PDRG1: variants seen among roughly 807,000 people sequenced by gnomAD.
PDRG1 encodes p53 and DNA damage-regulated protein 1.
A neutral mutation model predicts 18.4 loss-of-function variants in PDRG1; 14 were observed. The ratio of observed to expected loss-of-function variants is 0.76; its 90% CI spans 0.50 to 1.19. The LOEUF is 1.19. PDRG1 is among the 50% of genes most tolerant of loss of function. The pLI, the probability that PDRG1 is intolerant of heterozygous loss-of-function variation, is 0.00. For missense variants in PDRG1, 177 were observed against 160.1 expected (o/e 1.11, Z -0.57); for synonymous variants, 65 against 60.9 (o/e 1.07, Z -0.31).
chr20:31,948,766 G>A (rs2064334121), intron 3 of PDRG1, 42 bp downstream of exon 3: 1 of 1,555,118 alleles, frequency 6.4e-7, no homozygotes, highest in Non-Finnish European at 8.8e-7. Context: ...AAAGCTGGTG[G>A]GAGAGGCAGC....
chr20:31,951,915 A>T lies in PDRG1; in HGVS notation c.47T>A (p.Val16Glu). Reference sequence around the variant, plus strand: ...CAGCACCTCCTCGGCGAGCTCCTCCACTTCTACAAGGTACCGCAGCACTCG... The same window carrying T: ...CAGCACCTCCTCGGCGAGCTCCTCCTCTTCTACAAGGTACCGCAGCACTCG... ...AERVLRYLVEVEELAEEVLAD... is the reference protein window; with the variant it reads ...AERVLRYLVEEEELAEEVLAD... Residue 16 changes from valine to glutamate, a missense_variant, in exon 1 of 5, where the codon GTG becomes GAG. Physicochemically the swap from Val to Glu is moderately radical, Grantham distance 121 (BLOSUM62 -2). Coordinates refer to ENST00000202017, the MANE Select transcript of PDRG1 (RefSeq NM_030815.3). The T allele has an allele frequency of 6.3e-7, 1 of 1,594,716 alleles. No homozygotes were observed. Among genetic ancestry groups the T allele is most frequent in the Non-Finnish European group, 8.5e-7 (1 of 1,171,354 alleles).
rs775418077 is a variant in PDRG1 at position 31,952,001 on chromosome 20, G to A, written c.-40C>T. ...CCGCTTGCGGCTCTCGCGCGACCCC[G>A]GGATCTCCGCTTCGACTCCCGCTGC... On this transcript the variant is annotated 5_prime_UTR_variant, in exon 1 of 5. Coordinates refer to ENST00000202017, the MANE Select transcript of PDRG1 (RefSeq NM_030815.3). 28 of 1,500,974 alleles carry A rather than the reference G, an allele frequency of 1.9e-5. No individual in the cohort carries two copies. In the East Asian group the frequency reaches 1.9e-4, roughly 10 times the overall value. 93.0% of individuals were successfully genotyped at this position (1,500,974 alleles called of 1,614,324 possible).
Position 31,945,775 on chromosome 20 carries a change from G to A in PDRG1, c.*32C>T, listed in dbSNP as rs775185931. The stretch of plus-strand genomic sequence containing the variant: ...TCCTGGGTCCTCCATGACCCTGGGG[G>A]GTTGCTGGTCCCCCATCTTGGTTCT... On this transcript the variant is annotated 3_prime_UTR_variant, in exon 5 of 5. Transcript: ENST00000202017. 1.1e-5 allele frequency: 18 copies of A among 1,574,968 alleles called. No individual in the cohort carries two copies. The highest frequency in any genetic ancestry group is 3.3e-5 in the Admixed American group (2 of 59,738).
intron 1 of PDRG1, 132 bp downstream of exon 1, chr20:31,951,743 G>A: frequency 1.1e-6 from 1 of 923,716 alleles, no homozygotes; most frequent in Non-Finnish European, 1.6e-6. Flanking sequence ...CTTAGTAGCG[G>A]CCGAATATTT....
At chr20:31,951,449 T>C (rs1045485143) in intron 1 of PDRG1, among the ~76,000 whole-genome samples, 2 of 152,018 alleles carry the variant, frequency 1.3e-5, no homozygotes, top group Non-Finnish European at 2.9e-5. Context: ...CCTCAAAAAC[T>C]TGGCACTTAA....
intron 2 of PDRG1, among the ~76,000 whole-genome samples, chr20:31,949,379 C>T (rs913643166): frequency 5.3e-5 from 8 of 152,154 alleles, no homozygotes; most frequent in African/African-American, 1.9e-4. Context: ...CGAGACCGGC[C>T]TGGCCAACAT....
At position 31,952,010 on chromosome 20, in the gene PDRG1, G is replaced by T; in HGVS notation, c.-49C>A. 1 of 1,493,536 alleles carries T rather than the reference G, an allele frequency of 6.7e-7. No individual in the cohort carries two copies. Among genetic ancestry groups the T allele is most frequent in the Non-Finnish European group, 8.9e-7 (1 of 1,124,826 alleles). 92.5% of individuals were successfully genotyped at this position (1,493,536 alleles called of 1,614,324 possible). A position where few individuals can be genotyped will look rare whatever the true frequency, so the allele number is the denominator to read the frequency against. The stretch of plus-strand genomic sequence containing the variant: ...GCTCTCGCGCGACCCCGGGATCTCC[G>T]CTTCGACTCCCGCTGCGCACGCGCC... On this transcript the variant is annotated 5_prime_UTR_variant, in exon 1 of 5. Transcript: ENST00000202017.
At position 31,945,104 on chromosome 20, in the gene PDRG1, A is replaced by T. The variant is rs1036869031; in HGVS notation, c.*703T>A. On this transcript the variant is annotated 3_prime_UTR_variant, in exon 5 of 5. Coordinates refer to ENST00000202017, the MANE Select transcript of PDRG1 (RefSeq NM_030815.3). ...CGGGCCCCACTTTCAGAGGGGGCGG[A>T]AGGGCATCTTGACACGTGTCATATG... is the stretch of plus-strand genomic sequence containing the variant. 1 of 152,256 alleles carries T rather than the reference A, an allele frequency of 6.6e-6. No homozygotes were observed. Among genetic ancestry groups the T allele is most frequent in the Non-Finnish European group, 1.5e-5 (1 of 68,100 alleles). The allele number at this position is 152,256 out of a possible 1,614,324, so 9.4% of individuals were successfully genotyped here.
rs2064301673 is a variant in PDRG1, at chr20:31,945,094, G to C, written c.*713C>G. 1 of 152,300 alleles carries C rather than the reference G, an allele frequency of 6.6e-6. No homozygotes were observed. Among genetic ancestry groups the C allele is most frequent in the Admixed American group, 6.5e-5 (1 of 15,286 alleles). 9.4% of individuals were successfully genotyped at this position (152,300 alleles called of 1,614,324 possible). On this transcript the variant is annotated 3_prime_UTR_variant, in exon 5 of 5. Transcript: ENST00000202017. The stretch of plus-strand genomic sequence containing the variant: ...CAGTGCTGGCCGGGCCCCACTTTCA[G>C]AGGGGGCGGAAGGGCATCTTGACAC...
intron 3 of PDRG1, 82 bp from the exon 4 acceptor site, chr20:31,946,658 C>A: frequency 2.5e-6 from 3 of 1,208,784 alleles, no homozygotes; most frequent in South Asian, 1.2e-5. Context: ...CAGCCTCTCC[C>A]CAGCAAGGGC....
At chr20:31,947,791 G>A (rs2064328167) in intron 3 of PDRG1, among the ~76,000 whole-genome samples, 1 of 152,170 alleles carries the variant, frequency 6.6e-6, no homozygotes, top group African/African-American at 2.4e-5. Context: ...TCAGGAGGCT[G>A]AGGCAGGAGA....
chr20:31,951,305 C>A (rs1050605840), intron 1 of PDRG1, among the ~76,000 whole-genome samples: 1 of 152,178 alleles, frequency 6.6e-6, no homozygotes, highest in Non-Finnish European at 1.5e-5. Context: ...TGGTCTGGAC[C>A]ATACCAATGG....
Sources: gnomAD v4.1 joint callset for allele counts (sites outside exome capture counted in the v4.1 genomes callset) on GRCh38, gnomAD v4.1.1 for gene constraint, MANE v1.5 for transcripts, NCBI Gene and HGNC (gene_info 2026-07-23, HGNC 2026-07-21) for gene names.